Variants in AMDHD2 observed in about 807,000 individuals in gnomAD.
AMDHD2 encodes the protein N-acetylglucosamine-6-phosphate deacetylase.
In AMDHD2, 24 loss-of-function variants were observed where a neutral mutation model predicts 41.8. That is an observed-to-expected ratio of 0.57 (90% CI 0.42 to 0.81). The LOEUF is 0.81. AMDHD2 is among the 30% of genes least tolerant of loss of function. AMDHD2 has a pLI of 0.00. For missense variants in AMDHD2, 540 were observed against 588.5 expected (o/e 0.92, Z 0.85); for synonymous variants, 332 against 255.5 (o/e 1.30, Z -2.85).
In AMDHD2 at chr16:2,521,058, C is replaced by T. The variant is rs781288277; in HGVS notation, c.295C>T (p.Leu99=). 60 of 1,611,084 alleles carry T rather than the reference C, an allele frequency of 3.7e-5. No homozygotes were observed. The highest frequency in any genetic ancestry group is 4.8e-5 in the Non-Finnish European group (57 of 1,178,412). ...GGTTGCCCTCGTGGCCCGGAGGATC[C>T]TGTCGCACGGCGTCACCTCCTTCTG... ...SGVALVARRI[L]SHGVTSFCPT... The change falls in exon 3 of 11, where the codon CTG becomes TTG. Residue 99 remains leucine, a synonymous_variant. Transcript: ENST00000293971.
chr16:2,529,972 C>G lies in AMDHD2; in HGVS notation c.*409C>G, dbSNP rs961985954. 1.3e-6 allele frequency: 1 copy of G among 757,298 alleles called. No individual in the cohort carries two copies. Among genetic ancestry groups the G allele is most frequent in the Admixed American group, 3.1e-5 (1 of 32,456 alleles). 46.9% of individuals were successfully genotyped at this position (757,298 alleles called of 1,614,324 possible). A position where few individuals can be genotyped will look rare whatever the true frequency, so the allele number is the denominator to read the frequency against. On this transcript the variant is annotated 3_prime_UTR_variant, in exon 11 of 11. Coordinates refer to ENST00000293971, the MANE Select transcript of AMDHD2 (RefSeq NM_001330449.2). ...AGTGGCTGGTGCCATGGGGTGAAGC[C>G]ACCATGGGCTGGGGGTGAAGAGCCG...
chr16:2,528,744 T>G, intron 9 of AMDHD2, 26 bp downstream of exon 9: 1 of 1,608,298 alleles, frequency 6.2e-7, no homozygotes, highest in South Asian at 1.1e-5. Context: ...GGGTGCGGGT[T>G]TAGGTGGTCT....
chr16:2,528,957 G>C, intron 9 of AMDHD2, 37 bp from the exon 10 acceptor site: 1 of 1,551,052 alleles, frequency 6.4e-7, no homozygotes, highest in Non-Finnish European at 8.7e-7. Context: ...AGCCATGTGG[G>C]CTTGGGGACT....
chr16:2,526,373 A>G (rs534903902), intron 3 of AMDHD2, among the ~76,000 whole-genome samples: 1 of 152,196 alleles, frequency 6.6e-6, no homozygotes, highest in Admixed American at 6.5e-5. Context: ...ACATTTCGCA[A>G]GTTCCTGCTG....
chr16:2,528,792 C>G, intron 9 of AMDHD2, 74 bp downstream of exon 9: 1 of 1,588,008 alleles, frequency 6.3e-7, no homozygotes, highest in Non-Finnish European at 8.6e-7. Flanking sequence ...ACCGGGTGCC[C>G]GGACTGTAGC....
chr16:2,524,315 G>T (rs1176511360), intron 3 of AMDHD2, among the ~76,000 whole-genome samples: 2 of 152,324 alleles, frequency 1.3e-5, no homozygotes, highest in East Asian at 1.9e-4. Flanking sequence ...CTTTGCTACG[G>T]TACTTGGAGA....
Position 2,527,927 on chromosome 16 carries a change from G to C in AMDHD2, c.570G>C (p.Leu190Phe), listed in dbSNP as rs759842650. ...GCATCGTGACGCTGGCCCCAGAGTT[G>C]GGCCGTAGCCACGAAGTGATCCGGG... Reference protein sequence around the residue: ...NVRIVTLAPELGRSHEVIRAL... With the variant: ...NVRIVTLAPEFGRSHEVIRAL... Residue 190 changes from leucine (L) to phenylalanine (F), a missense_variant, in exon 5 of 11, where the codon TTG becomes TTC. By Grantham distance (22) the Leu-to-Phe change is conservative (BLOSUM62 0). Transcript: ENST00000293971. This position sits in a 1 kb window ranked among gnomAD's most constrained non-coding sequence, Gnocchi z 6.1. The C allele has an allele frequency of 6.3e-7, 1 of 1,598,218 alleles. No individual in the cohort carries two copies. Among genetic ancestry groups the C allele is most frequent in the South Asian group, 1.1e-5 (1 of 90,860 alleles).
intron 3 of AMDHD2, among the ~76,000 whole-genome samples, chr16:2,523,126 G>T (rs944077534): frequency 2.7e-4 from 41 of 152,160 alleles, no homozygotes; most frequent in African/African-American, 9.2e-4. Flanking sequence ...ACAGGCGTGA[G>T]CCATGGTGCC....
rs751896598 is a variant in AMDHD2 at position 2,528,545 on chromosome 16, C to G, written c.956C>G (p.Thr319Arg). ...GQQEVEVDGLTAYVAGTKTLS... is the reference protein window; with the variant it reads ...GQQEVEVDGLRAYVAGTKTLS... The stretch of plus-strand genomic sequence containing the variant: ...CAGGAAGTGGAAGTGGACGGTCTGA[C>G]GGCCTACGTGGCAGGTGAGCGCCCT... The change falls in exon 8 of 11, where the codon ACG becomes AGG. Residue 319 changes from threonine to arginine, a missense_variant. Coordinates refer to ENST00000293971, the MANE Select transcript of AMDHD2 (RefSeq NM_001330449.2). 6.2e-7 allele frequency: 1 copy of G among 1,612,534 alleles called. No homozygotes were observed. The highest frequency in any genetic ancestry group is 1.3e-5 in the African/African-American group (1 of 74,928).
Position 2,527,548 on chromosome 16 carries a change from T to C in AMDHD2, c.361-13T>C. On this transcript the variant is annotated splice_polypyrimidine_tract_variant and intron_variant, in intron 3 of 10. Coordinates refer to ENST00000293971, the MANE Select transcript of AMDHD2 (RefSeq NM_001330449.2). The surrounding 1 kb of genome is among the most constrained non-coding windows in gnomAD (Gnocchi z 6.1). ...CTGTGGGGGACAGGGCTTTAACAGC[T>C]GGTTCCCCCCAGGTTGTTCCTCAGA... is the stretch of plus-strand genomic sequence containing the variant. 1 of 1,611,072 alleles carries C rather than the reference T, an allele frequency of 6.2e-7. No individual in the cohort carries two copies. Among genetic ancestry groups the C allele is most frequent in the Non-Finnish European group, 8.5e-7 (1 of 1,178,886 alleles).
intron 3 of AMDHD2, among the ~76,000 whole-genome samples, chr16:2,522,546 G>A (rs1203736117): frequency 3.3e-5 from 5 of 151,992 alleles, no homozygotes; most frequent in Non-Finnish European, 7.4e-5. Flanking sequence ...GAGTGGTTGC[G>A]CCTACCTGTA....
chr16:2,525,525 C>T (rs2141905350), intron 3 of AMDHD2, among the ~76,000 whole-genome samples: 1 of 152,014 alleles, frequency 6.6e-6, no homozygotes, highest in East Asian at 1.9e-4. Flanking sequence ...TGCCACTATG[C>T]CTGGCTAATT....
In AMDHD2 at chr16:2,520,377, G is replaced by A. The variant is rs1293707352; in HGVS notation, c.-82G>A. 13 of 1,139,558 alleles carry A rather than the reference G, an allele frequency of 1.1e-5. No individual in the cohort carries two copies. The highest frequency in any genetic ancestry group is 1.6e-5 in the African/African-American group (1 of 61,960). The allele number at this position is 1,139,558 out of a possible 1,614,324, so 70.6% of individuals were successfully genotyped here. ...TGAAGGTCACGTGGGCGCGGTCTCA[G>A]CTCTCGGCTGGGGTTCGTCACTGGG... On this transcript the variant is annotated 5_prime_UTR_variant, in exon 1 of 11. Coordinates refer to ENST00000293971, the MANE Select transcript of AMDHD2 (RefSeq NM_001330449.2).
Position 2,528,311 on chromosome 16 carries a change from G to A in AMDHD2, c.793G>A (p.Gly265Arg), listed in dbSNP as rs1488633154. ...RLPAGRCIFY[G>R]MIADGTHTNP... Reference sequence around the variant, plus strand: ...GCCCGCAGGCCGCTGCATCTTCTATGGGATGATTGCAGATGGCACGCACAC... The same window carrying A: ...GCCCGCAGGCCGCTGCATCTTCTATAGGATGATTGCAGATGGCACGCACAC... The change falls in exon 7 of 11, where the codon GGG becomes AGG. Residue 265 changes from glycine to arginine, a missense_variant. Coordinates refer to ENST00000293971, the MANE Select transcript of AMDHD2 (RefSeq NM_001330449.2). 6.2e-7 allele frequency: 1 copy of A among 1,612,758 alleles called. No homozygotes were observed. The highest frequency in any genetic ancestry group is 1.7e-5 in the Admixed American group (1 of 60,016).
rs1199932234 is a variant in AMDHD2, at chr16:2,527,201, AGCCCTGGCCAT to A, written c.361-355_361-345del. 2.6e-6 allele frequency: 1 copy of A among 386,408 alleles called. No individual in the cohort carries two copies. The highest frequency in any genetic ancestry group is 4.7e-6 in the Non-Finnish European group (1 of 210,858). The allele number at this position is 386,408 out of a possible 1,614,324, so 23.9% of individuals were successfully genotyped here. A position where few individuals can be genotyped will look rare whatever the true frequency, so the allele number is the denominator to read the frequency against. ...ATGGTGTGGACCACACACAGTGCTG[AGCCCTGGCCAT>A]GCCCACACTGAGCTCTGCCCCAGGG... On this transcript the variant is annotated intron_variant, in intron 3 of 10. Transcript: ENST00000293971. The surrounding 1 kb of genome is among the most constrained non-coding windows in gnomAD (Gnocchi z 6.1).
In AMDHD2 at chr16:2,528,692, G is replaced by A; in HGVS notation, c.1013G>A (p.Cys338Tyr). 1 of 1,612,784 alleles carries A rather than the reference G, an allele frequency of 6.2e-7. No individual in the cohort carries two copies. The highest frequency in any genetic ancestry group is 8.5e-7 in the Non-Finnish European group (1 of 1,179,936). ...GGCAGCATAGCCCCAATGGACGTCT[G>A]TGTCCGGCACTTCCTGCAGGCCACA... is the stretch of plus-strand genomic sequence containing the variant. ...LSGSIAPMDV[C>Y]VRHFLQATGC... Residue 338 changes from cysteine (C) to tyrosine (Y), a missense_variant, in exon 9 of 11, where the codon TGT becomes TAT. Transcript: ENST00000293971.
rs761799222 is a variant in AMDHD2 at position 2,527,740 on chromosome 16, G to A, written c.416-33G>A. On this transcript the variant is annotated intron_variant, in intron 4 of 10. Coordinates refer to ENST00000293971, the MANE Select transcript of AMDHD2 (RefSeq NM_001330449.2). The surrounding 1 kb of genome is among the most constrained non-coding windows in gnomAD (Gnocchi z 6.1). ...GGTGATAAGGGCTGGGTGGGGCAGG[G>A]ACCTGCTGGAGCCACTTGCTCCCTC... The A allele has an allele frequency of 6.4e-7, 1 of 1,552,798 alleles. No individual in the cohort carries two copies. Among genetic ancestry groups the A allele is most frequent in the Non-Finnish European group, 8.7e-7 (1 of 1,152,128 alleles).
chr16:2,523,390 G>A (rs1223953453), intron 3 of AMDHD2, among the ~76,000 whole-genome samples: 1 of 152,158 alleles, frequency 6.6e-6, no homozygotes, highest in East Asian at 1.9e-4. Context: ...GGGGTGGTGT[G>A]TGGGTTCTGG....
At position 2,527,735 on chromosome 16, in the gene AMDHD2, G is replaced by T. The variant is rs2066022137; in HGVS notation, c.416-38G>T. ...GGGCAGGTGATAAGGGCTGGGTGGG[G>T]CAGGGACCTGCTGGAGCCACTTGCT... On this transcript the variant is annotated intron_variant, in intron 4 of 10. Transcript: ENST00000293971. This position sits in a 1 kb window ranked among gnomAD's most constrained non-coding sequence, Gnocchi z 6.1. 3 of 1,549,664 alleles carry T rather than the reference G, an allele frequency of 1.9e-6. No individual in the cohort carries two copies. Among genetic ancestry groups the T allele is most frequent in the East Asian group, 2.3e-5 (1 of 43,648 alleles).
Sources: gnomAD v4.1 joint callset for allele counts (sites outside exome capture counted in the v4.1 genomes callset) on GRCh38, gnomAD v4.1.1 for gene constraint, Gnocchi (gnomAD v3.1) non-coding constraint, MANE v1.5 for transcripts, NCBI Gene and HGNC (gene_info 2026-07-23, HGNC 2026-07-21) for gene names.